MFRP: variants seen among roughly 807,000 people sequenced by gnomAD.
The protein encoded by MFRP is C1q and TNF related 5.
MFRP carries 74 observed loss-of-function variants against 65.8 expected under a neutral mutation model. The ratio of observed to expected loss-of-function variants is 1.12; its 90% confidence interval spans 0.93 to 1.36. The LOEUF (loss-of-function observed/expected upper bound fraction) is 1.36, where lower values mean the gene tolerates loss of function less well. MFRP is among the 40% of genes most tolerant of loss of function. MFRP has a pLI of 0.00. For synonymous variants in MFRP, 336 were observed against 288.3 expected (o/e 1.17, Z -1.68); for missense variants, 838 against 736.0 (o/e 1.14, Z -1.60).
chr11:119,345,733 C>T (rs1198338598), intron 4 of MFRP, 40 bp downstream of exon 4: 1 of 1,613,136 alleles, frequency 6.2e-7, no homozygotes, highest in South Asian at 1.1e-5. Flanking sequence ...ACCCCGTCAT[C>T]TTGGGCCCTT....
chr11:119,344,348 A>G lies in MFRP; in HGVS notation c.942T>C (p.Thr314=). Reference sequence around the variant, plus strand: ...GAGGGTACTGCTGCAGGTAGCTGGGAGTAGAGAAAGTGCCCTGGAGGCCAG... The same window carrying G: ...GAGGGTACTGCTGCAGGTAGCTGGGGGTAGAGAAAGTGCCCTGGAGGCCAG... ...NLTGLQGTFS[T]PSYLQQYPHQ... Residue 314 remains threonine, a synonymous_variant, in exon 8 of 15, where the codon ACT becomes ACC. Coordinates refer to ENST00000619721, the MANE Select transcript of MFRP (RefSeq NM_031433.4). 1 of 1,613,788 alleles carries G rather than the reference A, an allele frequency of 6.2e-7. No individual in the cohort carries two copies. Among genetic ancestry groups the G allele is most frequent in the Non-Finnish European group, 8.5e-7 (1 of 1,179,972 alleles).
Position 119,340,492 on chromosome 11 carries a change from C to T in MFRP, c.*854-52G>A, listed in dbSNP as rs984794365. ...GGACCCAGAATCCTGGGACCTGCCT[C>T]TCTCCCCACCCCGGCGCGGCCCAGT... On this transcript the variant is annotated intron_variant, in intron 13 of 14. Coordinates refer to ENST00000619721, the MANE Select transcript of MFRP (RefSeq NM_031433.4). The T allele has an allele frequency of 6.0e-6, 8 of 1,336,604 alleles. No individual in the cohort carries two copies. The Admixed American group carries it at 8.0e-5, about 13-fold the overall frequency. 82.8% of individuals were successfully genotyped at this position (1,336,604 alleles called of 1,614,324 possible). A position where few individuals can be genotyped will look rare whatever the true frequency, so the allele number is the denominator to read the frequency against.
chr11:119,345,092 C>A (rs1000820928), intron 5 of MFRP, 88 bp from the exon 6 acceptor site: 3 of 1,515,940 alleles, frequency 2.0e-6, no homozygotes, highest in Admixed American at 4.0e-5. Context: ...GTCCTATTTT[C>A]TCAACCCCCA....
rs962010866 is a variant in MFRP at position 119,341,095 on chromosome 11, C to G, written c.*453G>C. 1 of 208,594 alleles carries G rather than the reference C, an allele frequency of 4.8e-6. No homozygotes were observed. The highest frequency in any genetic ancestry group is 2.4e-5 in the African/African-American group (1 of 42,550). 12.9% of individuals were successfully genotyped at this position (208,594 alleles called of 1,614,324 possible). On this transcript the variant is annotated 3_prime_UTR_variant, in exon 13 of 15. Coordinates refer to ENST00000619721, the MANE Select transcript of MFRP (RefSeq NM_031433.4). ...AGTGGCAGAGACCAAGGACCAGACC[C>G]CATTTCAGGGAGAAATACGCAGAGA... is the stretch of plus-strand genomic sequence containing the variant.
intron 7 of MFRP, 69 bp from the exon 8 acceptor site, chr11:119,344,460 A>C: frequency 6.4e-7 from 1 of 1,555,646 alleles, no homozygotes. Flanking sequence ...GCTGGCGGTG[A>C]TTACAGAGCG....
At chr11:119,344,598 G>T in intron 7 of MFRP, 34 bp downstream of exon 7, 5 of 1,613,620 alleles carry the variant, frequency 3.1e-6, no homozygotes, top group Non-Finnish European at 4.2e-6. Flanking sequence ...CAGATCAGAC[G>T]CCTGAAGAGA....
chr11:119,343,693 C>A, intron 9 of MFRP, 123 bp downstream of exon 9: 1 of 1,248,868 alleles, frequency 8.0e-7, no homozygotes, highest in Non-Finnish European at 1.2e-6. Flanking sequence ...GTGAAGAGAC[C>A]CCCGGCCTGG....
At chr11:119,341,820 C>A in intron 12 of MFRP, 37 bp downstream of exon 12, 1 of 1,611,936 alleles carries the variant, frequency 6.2e-7, no homozygotes, top group South Asian at 1.1e-5. Flanking sequence ...GGCTCCTCCC[C>A]TCCCAGGCCC....
chr11:119,339,530 A>C lies in MFRP; in HGVS notation c.*1429T>G. The C allele has an allele frequency of 6.2e-7, 1 of 1,613,394 alleles. No individual in the cohort carries two copies. The highest frequency in any genetic ancestry group is 8.5e-7 in the Non-Finnish European group (1 of 1,180,000). ...GGGCCACCCCCCGAAAAACTGGAAG[A>C]AAGAGGCAATGGATTCGCCATTCTT... On this transcript the variant is annotated 3_prime_UTR_variant, in exon 15 of 15. Transcript: ENST00000619721. This position sits in a 1 kb window ranked among gnomAD's most constrained non-coding sequence, Gnocchi z 5.4.
At chr11:119,341,796 G>C in intron 12 of MFRP, 24 bp from the exon 13 acceptor site, 1 of 1,613,342 alleles carries the variant, frequency 6.2e-7, no homozygotes, top group Non-Finnish European at 8.5e-7. Context: ...GTGGCCTTCA[G>C]GCACCTGCTC....
rs778631413 is a variant in MFRP at position 119,346,467 on chromosome 11, G to T, written c.47C>A (p.Ser16Ter). 1.9e-6 allele frequency: 3 copies of T among 1,614,020 alleles called. No individual in the cohort carries two copies. Among genetic ancestry groups the T allele is most frequent in the Non-Finnish European group, 2.5e-6 (3 of 1,180,010 alleles). ...DVILCMEATE[S>*]SKTEFCNPAF... Reference sequence around the variant, plus strand: ...ATTCTATGTGGTCCTTACCTTGCTCGATTCTGTTGCCTCCATGCAGAGGAT... The same window carrying T: ...ATTCTATGTGGTCCTTACCTTGCTCTATTCTGTTGCCTCCATGCAGAGGAT... Residue 16 changes from serine (S) to a stop codon, truncating the protein, a stop_gained, in exon 1 of 15, where the codon TCG (serine) becomes TAG (stop). Coordinates refer to ENST00000619721, the MANE Select transcript of MFRP (RefSeq NM_031433.4). LOFTEE classifies it high-confidence loss of function.
chr11:119,340,591 C>T lies in MFRP; in HGVS notation c.*853+104G>A, dbSNP rs1048361722. 35 of 599,938 alleles carry T rather than the reference C, an allele frequency of 5.8e-5. No homozygotes were observed. The African/African-American group carries it at 6.3e-4, about 11-fold the overall frequency. 37.2% of individuals were successfully genotyped at this position (599,938 alleles called of 1,614,324 possible). A position where few individuals can be genotyped will look rare whatever the true frequency, so the allele number is the denominator to read the frequency against. On this transcript the variant is annotated intron_variant, in intron 13 of 14. Transcript: ENST00000619721. ...CGAGCATCCGGAGAGCACAGGCAGG[C>T]GCGAGAGGGTGGGAGCGGCCAGCCC...
intron 8 of MFRP, 86 bp from the exon 9 acceptor site, chr11:119,344,050 T>C: frequency 2.6e-6 from 4 of 1,521,536 alleles, no homozygotes; most frequent in Non-Finnish European, 3.6e-6. Flanking sequence ...CCCCCACTGC[T>C]GGCTGGGGGG....
At position 119,340,226 on chromosome 11, in the gene MFRP, C is replaced by CGCCGTCGCG. The variant is rs940468185; in HGVS notation, c.*1059_*1067dup. 61 of 1,513,502 alleles carry CGCCGTCGCG rather than the reference C, an allele frequency of 4.0e-5. No individual in the cohort carries two copies. The highest frequency in any genetic ancestry group is 4.7e-4 in the Middle Eastern group (2 of 4,294). 93.8% of individuals were successfully genotyped at this position (1,513,502 alleles called of 1,614,324 possible). On this transcript the variant is annotated 3_prime_UTR_variant, in exon 14 of 15. Coordinates refer to ENST00000619721, the MANE Select transcript of MFRP (RefSeq NM_031433.4). ...CCTTTCTCTCCCGGAGCCCCGGGCGCGCCGTCGCGGCCGTCGCGGCCATCG... is the reference window on the plus strand; with the variant it reads ...CCTTTCTCTCCCGGAGCCCCGGGCGCGCCGTCGCGGCCGTCGCGGCCGTCGCGGCCATCG...
rs201089284 is a variant in MFRP, at chr11:119,344,627, C to T, written c.898+5G>A. The stretch of plus-strand genomic sequence containing the variant: ...GAAGAGAGGACCCCCATGCCTGGCC[C>T]GTACCCGAGAACTTGGCACTGCAAT... On this transcript the variant is annotated splice_donor_5th_base_variant and intron_variant, in intron 7 of 14. Transcript: ENST00000619721. 124 of 1,614,030 alleles carry T rather than the reference C, an allele frequency of 7.7e-5. No homozygotes were observed. In the East Asian group the frequency reaches 1.5e-3, roughly 19 times the overall value.
chr11:119,339,584 T>C lies in MFRP; in HGVS notation c.*1375A>G. ...CAGATCAAACTGCAGGCTGGCCCGG[T>C]AGACGGTGGCATGGACGGCGAAGTA... is the stretch of plus-strand genomic sequence containing the variant. On this transcript the variant is annotated 3_prime_UTR_variant, in exon 15 of 15. Coordinates refer to ENST00000619721, the MANE Select transcript of MFRP (RefSeq NM_031433.4). The surrounding 1 kb of genome is among the most constrained non-coding windows in gnomAD (Gnocchi z 5.4). 1 of 1,613,298 alleles carries C rather than the reference T, an allele frequency of 6.2e-7. No homozygotes were observed. The highest frequency in any genetic ancestry group is 1.7e-5 in the Admixed American group (1 of 60,028).
chr11:119,342,017 A>G, intron 11 of MFRP, 33 bp from the exon 12 acceptor site: 11 of 1,612,068 alleles, frequency 6.8e-6, no homozygotes, highest in Non-Finnish European at 9.3e-6. Context: ...CACTGTGGGG[A>G]CTGCTCACTG....
chr11:119,342,225 G>C (rs2135368464), intron 11 of MFRP, among the ~76,000 whole-genome samples: 1 of 152,332 alleles, frequency 6.6e-6, no homozygotes, highest in South Asian at 2.1e-4. Context: ...TAATCTCAGG[G>C]AACATGGGGC....
Position 119,339,544 on chromosome 11 carries a change from T to G in MFRP, c.*1415A>C. ...AAAACTGGAAGAAAGAGGCAATGGA[T>G]TCGCCATTCTTCACCAGATCAAACT... On this transcript the variant is annotated 3_prime_UTR_variant, in exon 15 of 15. Coordinates refer to ENST00000619721, the MANE Select transcript of MFRP (RefSeq NM_031433.4). The surrounding 1 kb of genome is among the most constrained non-coding windows in gnomAD (Gnocchi z 5.4). 6.2e-7 allele frequency: 1 copy of G among 1,612,622 alleles called. No individual in the cohort carries two copies. The highest frequency in any genetic ancestry group is 8.5e-7 in the Non-Finnish European group (1 of 1,179,924).
Sources: allele counts gnomAD v4.1 joint callset (sites outside exome capture counted in the v4.1 genomes callset), GRCh38; gene constraint gnomAD v4.1.1; non-coding constraint Gnocchi (gnomAD v3.1); transcripts MANE v1.5; gene names NCBI Gene and HGNC (gene_info 2026-07-23, HGNC 2026-07-21).